The following IQCJ variants were observed in gnomAD, a reference collection of about 807,000 sequenced individuals.
IQCJ encodes the protein IQ motif containing J.
A neutral mutation model predicts 11.0 loss-of-function variants in IQCJ; 9 were observed. The observed-to-expected ratio is 0.82, with a 90% CI of 0.49 to 1.43. The LOEUF is 1.43. Among genes scored for constraint, IQCJ ranks in the 40% most tolerant of loss-of-function variants. IQCJ has a pLI of 0.00. For missense variants in IQCJ, 146 were observed against 133.2 expected (o/e 1.10, Z -0.47); for synonymous variants, 55 against 51.3 (o/e 1.07, Z -0.31).
intron 1 of IQCJ, among the ~76,000 whole-genome samples, chr3:159,105,644 C>T (rs1343395246): frequency 6.6e-6 from 1 of 151,956 alleles, no homozygotes; most frequent in African/African-American, 2.4e-5. Flanking sequence ...TGAGGAGGAG[C>T]CAGCCATGAA....
intron 1 of IQCJ, among the ~76,000 whole-genome samples, chr3:159,084,045 G>A (rs890028795): frequency 6.6e-6 from 1 of 151,990 alleles, no homozygotes; most frequent in Non-Finnish European, 1.5e-5. Flanking sequence ...AAAACCACAC[G>A]CACACATATA....
chr3:159,250,122 A>C (rs1727509258), intron 2 of IQCJ, among the ~76,000 whole-genome samples: 1 of 152,260 alleles, frequency 6.6e-6, no homozygotes. Context: ...ATTGCAAGTC[A>C]CACATTGTAC....
At chr3:159,235,846 T>C (rs1038363744) in intron 1 of IQCJ, among the ~76,000 whole-genome samples, 5 of 152,194 alleles carry the variant, frequency 3.3e-5, no homozygotes, top group Non-Finnish European at 7.3e-5. Context: ...ATCACAACAA[T>C]TTTCAATTTT....
intron 2 of IQCJ, among the ~76,000 whole-genome samples, chr3:159,248,014 ATGT>A (rs1727372654): frequency 6.6e-6 from 1 of 152,184 alleles, no homozygotes; most frequent in Admixed American, 6.5e-5. Flanking sequence ...TACATCTGAA[ATGT>A]TGTTAAAAAA....
chr3:159,157,781 C>T (rs150324783), intron 1 of IQCJ, among the ~76,000 whole-genome samples: 86 of 152,322 alleles, frequency 5.6e-4, no homozygotes, highest in African/African-American at 2.0e-3. Context: ...TTCATTTCCT[C>T]TTATTTACAC....
intron 1 of IQCJ, among the ~76,000 whole-genome samples, chr3:159,240,141 A>G (rs1014853934): frequency 1.3e-5 from 2 of 152,204 alleles, no homozygotes; most frequent in East Asian, 1.9e-4. Context: ...AGAATATGGA[A>G]CCAGAGTCTA....
intron 1 of IQCJ, among the ~76,000 whole-genome samples, chr3:159,153,827 T>C (rs1721361903): frequency 2.0e-5 from 3 of 152,166 alleles, no homozygotes; most frequent in Admixed American, 2.0e-4. Flanking sequence ...GCTAACTAGG[T>C]GGTAGCAGAG....
At chr3:159,141,633 A>G (rs1338455485) in intron 1 of IQCJ, among the ~76,000 whole-genome samples, 1 of 152,248 alleles carries the variant, frequency 6.6e-6, no homozygotes, top group Non-Finnish European at 1.5e-5. Flanking sequence ...TGTTAATACA[A>G]TACAAATCTT....
intron 1 of IQCJ, among the ~76,000 whole-genome samples, chr3:159,120,631 CTG>C (rs1206188014): frequency 6.6e-6 from 1 of 152,206 alleles, no homozygotes; most frequent in Non-Finnish European, 1.5e-5. Context: ...GAAGAAGAGA[CTG>C]TCTTCCTGCC....
chr3:159,103,297 A>G (rs1435830790), intron 1 of IQCJ, among the ~76,000 whole-genome samples: 1 of 152,224 alleles, frequency 6.6e-6, no homozygotes, highest in African/African-American at 2.4e-5. Context: ...TTTACATTTT[A>G]AAAACCTGGA....
intron 1 of IQCJ, among the ~76,000 whole-genome samples, chr3:159,212,310 C>T (rs1163112208): frequency 2.0e-5 from 3 of 152,084 alleles, no homozygotes; most frequent in African/African-American, 4.8e-5. Context: ...TTTGTAGCTG[C>T]GTGGTCCTAT....
At chr3:159,225,242 G>A (rs1725787342) in intron 1 of IQCJ, among the ~76,000 whole-genome samples, 1 of 152,162 alleles carries the variant, frequency 6.6e-6, no homozygotes, top group African/African-American at 2.4e-5. Context: ...TACACACGAA[G>A]TGAATGGACC....
chr3:159,151,755 C>T (rs1467336690), intron 1 of IQCJ, among the ~76,000 whole-genome samples: 2 of 152,214 alleles, frequency 1.3e-5, no homozygotes, highest in Non-Finnish European at 2.9e-5. Flanking sequence ...CCTGCCTCAG[C>T]CTCCTGAGCA....
In IQCJ at chr3:159,104,868, A is replaced by G. The variant is rs569071752; in HGVS notation, c.9+35427A>G. 2.0e-4 allele frequency among the ~76,000 whole-genome samples: 30 copies of G among 152,330 alleles called. No homozygotes were observed. The East Asian group carries it at 2.9e-3, about 15-fold the overall frequency. ...CTGTTCTGTGCTTATTATACCCTGTACTTTCCTTATTGAAACCAAGGTCAC... is the reference window on the plus strand; with the variant it reads ...CTGTTCTGTGCTTATTATACCCTGTGCTTTCCTTATTGAAACCAAGGTCAC... On this transcript the variant is annotated intron_variant, in intron 1 of 3. Coordinates refer to ENST00000397832, the MANE Select transcript of IQCJ (RefSeq NM_001042706.3).
At chr3:159,196,778 T>C (rs111340110) in intron 1 of IQCJ, among the ~76,000 whole-genome samples, 1 of 152,196 alleles carries the variant, frequency 6.6e-6, no homozygotes, top group South Asian at 2.1e-4. Flanking sequence ...AGATGTTATG[T>C]AACTTACCCA....
intron 1 of IQCJ, chr3:159,069,826 TA>T: frequency 2.2e-6 from 1 of 460,234 alleles, no homozygotes; most frequent in Non-Finnish European, 4.3e-6. Flanking sequence ...AACACTTATT[TA>T]AAAAGCCCTC....
chr3:159,083,698 G>C (rs1716491098), intron 1 of IQCJ, among the ~76,000 whole-genome samples: 1 of 152,100 alleles, frequency 6.6e-6, no homozygotes, highest in South Asian at 2.1e-4. Flanking sequence ...CTCCAAACTG[G>C]AAACAACTCC....
chr3:159,135,174 T>C (rs1369773105), intron 1 of IQCJ, among the ~76,000 whole-genome samples: 2 of 152,212 alleles, frequency 1.3e-5, no homozygotes. Context: ...GATTTTTTGC[T>C]TAAGCTTTGG....
At chr3:159,231,739 G>T (rs373259247) in intron 1 of IQCJ, among the ~76,000 whole-genome samples, 2 of 152,188 alleles carry the variant, frequency 1.3e-5, no homozygotes, top group East Asian at 3.9e-4. Flanking sequence ...GGTAGAATTC[G>T]GCTGTGAATC....
Sources: allele counts gnomAD v4.1 joint callset (sites outside exome capture counted in the v4.1 genomes callset), GRCh38; gene constraint gnomAD v4.1.1; transcripts MANE v1.5; gene names NCBI Gene and HGNC (gene_info 2026-07-23, HGNC 2026-07-21).